The following ANKIB1 variants were observed in gnomAD, a reference collection of about 807,000 sequenced individuals.
The protein encoded by ANKIB1 is ankyrin repeat and IBR domain containing 1.
ANKIB1 carries 43 observed loss-of-function variants against 122.1 expected under a neutral mutation model. The ratio of observed to expected loss-of-function variants is 0.35; its 90% CI spans 0.28 to 0.45. The LOEUF (loss-of-function observed/expected upper bound fraction) is 0.45. Among genes scored for constraint, ANKIB1 ranks in the 20% least tolerant of loss-of-function variants. The pLI is 1.00. For synonymous variants in ANKIB1, 390 were observed against 442.0 expected (o/e 0.88, Z 1.48); for missense variants, 992 against 1,329.5 (o/e 0.75, Z 3.95).
chr7:92,302,639 T>A (rs1378642578), intron 2 of ANKIB1, among the ~76,000 whole-genome samples: 1 of 152,236 alleles, frequency 6.6e-6, no homozygotes, highest in African/African-American at 2.4e-5. Flanking sequence ...TTTTGCTTAT[T>A]TGGAAATAAA....
intron 1 of ANKIB1, among the ~76,000 whole-genome samples, chr7:92,246,955 G>C (rs1460179493): frequency 6.6e-6 from 1 of 152,174 alleles, no homozygotes; most frequent in African/African-American, 2.4e-5. Context: ...GGTGCAGATG[G>C]CTCCAGTGAA....
chr7:92,366,976 T>C (rs1367466514), intron 10 of ANKIB1, among the ~76,000 whole-genome samples: 1 of 152,186 alleles, frequency 6.6e-6, no homozygotes, highest in African/African-American at 2.4e-5. Context: ...AAGAATGGCC[T>C]GGCTAGTGAG....
intron 9 of ANKIB1, among the ~76,000 whole-genome samples, chr7:92,355,848 CATA>C (rs5885805): frequency 0.048 from 6,875 of 143,294 alleles, 252 homozygotes; most frequent in African/African-American, 0.12. Flanking sequence ...GACTCCGTCT[CATA>C]ATAATAATAA....
rs548242774 is a variant in ANKIB1 at position 92,365,989 on chromosome 7, G to A, written c.1486+3716G>A. Reference sequence around the variant, plus strand: ...TTTTTGTATTTTTAGTAGAGACGGGGTTTCACCATGTTAGCCAGGATGGTC... The same window carrying A: ...TTTTTGTATTTTTAGTAGAGACGGGATTTCACCATGTTAGCCAGGATGGTC... On this transcript the variant is annotated intron_variant, in intron 10 of 19. Transcript: ENST00000265742. Among the ~76,000 whole-genome samples, 4 of 151,368 alleles carry A rather than the reference G, an allele frequency of 2.6e-5. No homozygotes were observed. In the East Asian group the frequency reaches 7.8e-4, roughly 29 times the overall value.
At position 92,327,746 on chromosome 7, in the gene ANKIB1, T is replaced by C. The variant is rs368638761; in HGVS notation, c.670-37T>C. On this transcript the variant is annotated intron_variant, in intron 4 of 19. Transcript: ENST00000265742. ...GCATTTTGATAACTTCCTATGAGTA[T>C]AATGCCCATTTAACTTTATTTTTTT... is the stretch of plus-strand genomic sequence containing the variant. The C allele has an allele frequency of 1.6e-5, 18 of 1,148,722 alleles. No individual in the cohort carries two copies. The African/African-American group carries it at 2.7e-4, about 17-fold the overall frequency. 71.2% of individuals were successfully genotyped at this position (1,148,722 alleles called of 1,614,324 possible). A position where few individuals can be genotyped will look rare whatever the true frequency, so the allele number is the denominator to read the frequency against.
chr7:92,396,470 A>G lies in ANKIB1; in HGVS notation c.2389A>G (p.Thr797Ala). 2 of 1,530,652 alleles carry G rather than the reference A, an allele frequency of 1.3e-6. No homozygotes were observed. Among genetic ancestry groups the G allele is most frequent in the Non-Finnish European group, 9.0e-7 (1 of 1,117,188 alleles). The allele number at this position is 1,530,652 out of a possible 1,614,324, so 94.8% of individuals were successfully genotyped here. ...AGACCCTGATGAGCCAAGTGAAAGC[A>G]CTTTAGGTAAGTCCTTGCATTGAGT... ...PPDPDEPSES[T>A]LDIPEGGSSS... The change falls in exon 18 of 20, where the codon ACT becomes GCT. Residue 797 changes from threonine (T) to alanine (A), a missense_variant. Transcript: ENST00000265742.
chr7:92,332,332 A>G (rs1392963237), intron 5 of ANKIB1, among the ~76,000 whole-genome samples: 1 of 152,262 alleles, frequency 6.6e-6, no homozygotes, highest in East Asian at 1.9e-4. Context: ...AAACTGAACC[A>G]TTAGGAAGAT....
At chr7:92,271,403 A>G (rs961474318) in intron 1 of ANKIB1, among the ~76,000 whole-genome samples, 2 of 152,016 alleles carry the variant, frequency 1.3e-5, no homozygotes, top group African/African-American at 2.4e-5. Context: ...GTTTCCTTGA[A>G]CCTTATTCTT....
At chr7:92,292,486 C>A (rs1395045868) in intron 1 of ANKIB1, among the ~76,000 whole-genome samples, 1 of 151,858 alleles carries the variant, frequency 6.6e-6, no homozygotes, top group Non-Finnish European at 1.5e-5. Flanking sequence ...TAGAATATTT[C>A]ACTAAAGTAG....
chr7:92,337,285 G>A (rs1024544751), intron 5 of ANKIB1, among the ~76,000 whole-genome samples: 10 of 152,278 alleles, frequency 6.6e-5, no homozygotes, highest in African/African-American at 2.4e-4. Context: ...TTGAAATTCT[G>A]AGAATGGCTT....
rs1802860243 is a variant in ANKIB1 at position 92,319,515 on chromosome 7, C to T, written c.669+3C>T. The T allele has an allele frequency of 6.3e-7, 1 of 1,592,542 alleles. No individual in the cohort carries two copies. The highest frequency in any genetic ancestry group is 8.5e-7 in the Non-Finnish European group (1 of 1,174,694). On this transcript the variant is annotated splice_donor_region_variant and intron_variant, in intron 4 of 19. Transcript: ENST00000265742. The stretch of plus-strand genomic sequence containing the variant: ...ATGCTGCATTAGACAAACGAGAGGT[C>T]AGTTTATTTTTTCTTCTCAGTAAAA...
chr7:92,286,650 T>A (rs371832567), intron 1 of ANKIB1, among the ~76,000 whole-genome samples: 36 of 152,246 alleles, frequency 2.4e-4, no homozygotes, highest in African/African-American at 8.7e-4. Context: ...CAGCTAATTT[T>A]GTATTTTTAG....
chr7:92,386,480 G>T, intron 11 of ANKIB1, 29 bp from the exon 12 acceptor site: 1 of 1,562,774 alleles, frequency 6.4e-7, no homozygotes, highest in Non-Finnish European at 8.6e-7. Context: ...AATATGGGGA[G>T]ATGTTTTCAT....
chr7:92,330,790 G>A (rs1803156125), intron 5 of ANKIB1, among the ~76,000 whole-genome samples: 1 of 152,064 alleles, frequency 6.6e-6, no homozygotes, highest in South Asian at 2.1e-4. Flanking sequence ...TGCAGTGAGT[G>A]GAGATTGTGC....
At chr7:92,318,219 A>G (rs1009682633) in intron 3 of ANKIB1, among the ~76,000 whole-genome samples, 1 of 152,190 alleles carries the variant, frequency 6.6e-6, no homozygotes, top group African/African-American at 2.4e-5. Flanking sequence ...ACTGAATCCT[A>G]TAAAAGAATC....
chr7:92,348,677 C>G (rs1346569265), intron 7 of ANKIB1, among the ~76,000 whole-genome samples: 2 of 152,152 alleles, frequency 1.3e-5, no homozygotes, highest in Non-Finnish European at 2.9e-5. Context: ...AGCCACCGTG[C>G]CAGGCCACAA....
chr7:92,274,258 CAA>C (rs1801854528), intron 1 of ANKIB1, among the ~76,000 whole-genome samples: 1 of 151,966 alleles, frequency 6.6e-6, no homozygotes, highest in African/African-American at 2.4e-5. Context: ...AAAACAAAAA[CAA>C]GAGTATAGAT....
intron 1 of ANKIB1, among the ~76,000 whole-genome samples, chr7:92,251,862 T>C (rs1801336872): frequency 6.6e-6 from 1 of 152,194 alleles, no homozygotes. Context: ...ATGCCAACAA[T>C]ATCTCTTTAT....
rs1240651885 is a variant in ANKIB1 at position 92,400,149 on chromosome 7, C to G, written c.*1200C>G. The G allele has an allele frequency of 2.0e-5, 3 of 152,330 alleles. No homozygotes were observed. Among genetic ancestry groups the G allele is most frequent in the East Asian group, 3.9e-4 (2 of 5,194 alleles). 9.4% of individuals were successfully genotyped at this position (152,330 alleles called of 1,614,324 possible). A position where few individuals can be genotyped will look rare whatever the true frequency, so the allele number is the denominator to read the frequency against. ...AACCACCCATGGCCTTGCTTTTACACTAACTATAACAACTAAATGTTCAAT... is the reference window on the plus strand; with the variant it reads ...AACCACCCATGGCCTTGCTTTTACAGTAACTATAACAACTAAATGTTCAAT... On this transcript the variant is annotated 3_prime_UTR_variant, in exon 20 of 20. Transcript: ENST00000265742.
Sources: gnomAD v4.1 joint callset for allele counts (sites outside exome capture counted in the v4.1 genomes callset) on GRCh38, gnomAD v4.1.1 for gene constraint, MANE v1.5 for transcripts, NCBI Gene and HGNC (gene_info 2026-07-23, HGNC 2026-07-21) for gene names.